The following KALRN variants were observed in gnomAD, a reference collection of about 807,000 sequenced individuals.
The protein encoded by KALRN is kalirin RhoGEF kinase, also known as kalirin.
KALRN carries 70 observed loss-of-function variants against 353.7 expected under a neutral mutation model. The ratio of observed to expected loss-of-function variants is 0.20; its 90% confidence interval spans 0.16 to 0.24. The LOEUF (loss-of-function observed/expected upper bound fraction) is 0.24. Ranked by LOEUF, KALRN falls within the 10% of genes least tolerant of loss-of-function variation. The pLI is 1.00. For synonymous variants in KALRN, 1,391 were observed against 1,434.8 expected, an observed-to-expected ratio of 0.97 and a Z score of 0.69; for missense variants, 2,791 against 3,756.7, an observed-to-expected ratio of 0.74 and a Z score of 6.72.
At chr3:124,587,851 C>T (rs1048730025) in intron 34 of KALRN, among the ~76,000 whole-genome samples, 1 of 151,652 alleles carries the variant, frequency 6.6e-6, no homozygotes, top group African/African-American at 2.4e-5. Flanking sequence ...CATGCCACTA[C>T]CCCAGGCTAA....
At chr3:124,064,956 C>G (rs981198290) in intron 1 of KALRN, among the ~76,000 whole-genome samples, 3 of 152,130 alleles carry the variant, frequency 2.0e-5, no homozygotes, top group African/African-American at 7.2e-5. Flanking sequence ...CCCTCCGTTC[C>G]CCCTTCCCTG....
chr3:124,653,920 G>A (rs143310409), intron 38 of KALRN, among the ~76,000 whole-genome samples: 5 of 152,238 alleles, frequency 3.3e-5, no homozygotes, highest in East Asian at 3.9e-4. Flanking sequence ...CTTTTAATAC[G>A]TCATGGTCTC....
intron 1 of KALRN, among the ~76,000 whole-genome samples, chr3:124,129,805 C>T (rs1351214342): frequency 1.3e-5 from 2 of 152,148 alleles, no homozygotes; most frequent in Non-Finnish European, 2.9e-5. Flanking sequence ...CCTCTAAAGC[C>T]AAGGTCATCA....
chr3:124,675,003 G>GATATATATATAT (rs141101032), intron 49 of KALRN: 58 of 146,624 alleles, frequency 4.0e-4, no homozygotes, highest in African/African-American at 1.4e-3. Flanking sequence ...TTAAGTAACT[G>GATATATATATAT]ATATATATAT....
chr3:124,211,324 C>A (rs1187558434), intron 1 of KALRN, among the ~76,000 whole-genome samples: 2 of 152,150 alleles, frequency 1.3e-5, no homozygotes, highest in African/African-American at 4.8e-5. Flanking sequence ...GATGAACCTT[C>A]CAGATGTTGA....
intron 10 of KALRN, among the ~76,000 whole-genome samples, chr3:124,367,545 CT>C (rs2085037618): frequency 1.2e-5 from 1 of 86,050 alleles, no homozygotes; most frequent in Non-Finnish European, 2.3e-5. Context: ...GACGGGGCGG[CT>C]GGCCGGGCAG....
At chr3:124,422,332 A>C (rs529084517) in intron 14 of KALRN, among the ~76,000 whole-genome samples, 6 of 151,952 alleles carry the variant, frequency 3.9e-5, no homozygotes, top group Non-Finnish European at 7.4e-5. Flanking sequence ...TTGTGCAGCT[A>C]CTCTCATTGA....
intron 2 of KALRN, among the ~76,000 whole-genome samples, chr3:124,228,622 G>A (rs953529813): frequency 1.3e-5 from 2 of 152,116 alleles, no homozygotes; most frequent in Admixed American, 6.5e-5. Context: ...TAGCTGGTGG[G>A]CCATCCACCA....
At chr3:124,596,469 AAAAC>A (rs890952288) in intron 34 of KALRN, among the ~76,000 whole-genome samples, 6 of 152,100 alleles carry the variant, frequency 3.9e-5, no homozygotes, top group Admixed American at 1.3e-4. Context: ...CTCCGTCTTA[AAAAC>A]AAACAAACAA....
intron 1 of KALRN, among the ~76,000 whole-genome samples, chr3:124,102,377 G>C (rs1221569690): frequency 6.6e-6 from 1 of 152,028 alleles, no homozygotes; most frequent in African/African-American, 2.4e-5. Context: ...TCTTCTTATA[G>C]TTAATCCACA....
At chr3:124,608,709 C>T (rs755170186) in intron 34 of KALRN, among the ~76,000 whole-genome samples, 1 of 152,178 alleles carries the variant, frequency 6.6e-6, no homozygotes, top group Non-Finnish European at 1.5e-5. Context: ...ATTTAAAAGT[C>T]TGCTTAGAAC....
At chr3:124,312,968 A>G (rs907692861) in intron 6 of KALRN, among the ~76,000 whole-genome samples, 4 of 152,246 alleles carry the variant, frequency 2.6e-5, no homozygotes, top group African/African-American at 7.2e-5. Flanking sequence ...AGCATTTCAC[A>G]GTGTCTGTCA....
intron 5 of KALRN, among the ~76,000 whole-genome samples, chr3:124,292,976 A>G (rs1468439386): frequency 6.6e-6 from 1 of 152,240 alleles, no homozygotes; most frequent in East Asian, 1.9e-4. Flanking sequence ...CAAAGTTTAT[A>G]CAGCAGAGTC....
At position 124,434,405 on chromosome 3, in the gene KALRN, C is replaced by T. The variant is rs376935725; in HGVS notation, c.2928C>T (p.Ala976=). 3.2e-5 allele frequency: 51 copies of T among 1,614,048 alleles called. No individual in the cohort carries two copies. Among genetic ancestry groups the T allele is most frequent in the African/African-American group, 2.8e-4 (21 of 74,930 alleles). ...EVLLQAGHYD[A]DAIRECAEKV... is the part of the protein sequence containing the mutation. ...TGCTCCAGGCCGGCCACTACGATGC[C>T]GATGCCATCCGGGAATGTGCTGAGA... The change falls in exon 17 of 60, where the codon GCC becomes GCT. Residue 976 remains alanine (A), a synonymous_variant. Transcript: ENST00000682506.
intron 6 of KALRN, among the ~76,000 whole-genome samples, chr3:124,312,553 T>C (rs2078378612): frequency 6.6e-6 from 1 of 152,176 alleles, no homozygotes; most frequent in South Asian, 2.1e-4. Context: ...AAGTGGGTCT[T>C]TACTTGCTTG....
chr3:124,085,241 C>T (rs1018660115), intron 1 of KALRN, among the ~76,000 whole-genome samples: 4 of 152,190 alleles, frequency 2.6e-5, no homozygotes, highest in South Asian at 4.2e-4. Flanking sequence ...CCATTCTTTC[C>T]CCATCCATCC....
At chr3:124,555,316 G>A (rs1477722064) in intron 33 of KALRN, among the ~76,000 whole-genome samples, 1 of 151,996 alleles carries the variant, frequency 6.6e-6, no homozygotes, top group African/African-American at 2.4e-5. Context: ...CGGATCACGA[G>A]GTCAGGAGAA....
intron 1 of KALRN, among the ~76,000 whole-genome samples, chr3:124,102,944 C>G (rs2061995644): frequency 6.6e-6 from 1 of 152,210 alleles, no homozygotes; most frequent in African/African-American, 2.4e-5. Context: ...CATATCACTT[C>G]CCGTTTCACA....
At chr3:124,631,808 A>G (rs28600956) in intron 34 of KALRN, among the ~76,000 whole-genome samples, 20,839 of 152,252 alleles carry the variant, frequency 0.14, 1,783 homozygotes, top group African/African-American at 0.25. Flanking sequence ...GGCTTACCAC[A>G]TGCTTGTTGA....
Sources: allele counts gnomAD v4.1 joint callset (sites outside exome capture counted in the v4.1 genomes callset), GRCh38; gene constraint gnomAD v4.1.1; transcripts MANE v1.5; gene names NCBI Gene and HGNC (gene_info 2026-07-23, HGNC 2026-07-21).